Variants in ANO10 observed in about 807,000 individuals in gnomAD.
ANO10 encodes the protein anoctamin 10.
ANO10 carries 77 observed loss-of-function variants against 74.7 expected under a neutral mutation model. The ratio of observed to expected loss-of-function variants is 1.03; its 90% confidence interval spans 0.86 to 1.25. The LOEUF (loss-of-function observed/expected upper bound fraction) is 1.25, where lower values mean the gene tolerates loss of function less well. Ranked by LOEUF, ANO10 falls within the 50% of genes most tolerant of loss-of-function variation. The pLI, the probability that ANO10 is intolerant of heterozygous loss-of-function variation, is 0.00. For synonymous variants in ANO10, 279 were observed against 284.9 expected, an observed-to-expected ratio of 0.98 and a Z score of 0.21; for missense variants, 721 against 778.1, an observed-to-expected ratio of 0.93 and a Z score of 0.87.
chr3:43,635,908 C>T (rs1355915667), intron 1 of ANO10, among the ~76,000 whole-genome samples: 2 of 152,130 alleles, frequency 1.3e-5, no homozygotes, highest in African/African-American at 4.8e-5. Flanking sequence ...GCGTAGCCAC[C>T]ATGCCCGGCC....
At chr3:43,682,216 A>T (rs1299247907) in intron 1 of ANO10, among the ~76,000 whole-genome samples, 1 of 152,236 alleles carries the variant, frequency 6.6e-6, no homozygotes, top group Non-Finnish European at 1.5e-5. Flanking sequence ...GAGAAGAATC[A>T]AATAGATGCC....
intron 11 of ANO10, among the ~76,000 whole-genome samples, chr3:43,502,169 A>C (rs1253972877): frequency 6.6e-6 from 1 of 152,224 alleles, no homozygotes; most frequent in African/African-American, 2.4e-5. Flanking sequence ...GTATATATCT[A>C]AAAGAACTGA....
chr3:43,503,910 A>G (rs12497714), intron 11 of ANO10, among the ~76,000 whole-genome samples: 149,400 of 152,182 alleles, frequency 0.98, 73,402 homozygotes, highest in East Asian at 1. Context: ...GCAAATCTGA[A>G]TAAGGCTGCC....
intron 12 of ANO10, among the ~76,000 whole-genome samples, chr3:43,393,064 TGA>T (rs1270157621): frequency 2.0e-5 from 3 of 152,232 alleles, no homozygotes; most frequent in African/African-American, 4.8e-5. Context: ...GTGCTCTCCC[TGA>T]GAGAGACCAT....
chr3:43,372,720 T>C (rs1286872260), intron 12 of ANO10: 3 of 819,648 alleles, frequency 3.7e-6, no homozygotes, highest in Non-Finnish European at 3.9e-6. Flanking sequence ...TTAAATGTTC[T>C]ATCCTACCTG....
chr3:43,379,675 T>G (rs1343675783), intron 12 of ANO10, among the ~76,000 whole-genome samples: 1 of 152,128 alleles, frequency 6.6e-6, no homozygotes. Flanking sequence ...GGAGGGAGAC[T>G]GGCCTTTTGG....
chr3:43,616,190 T>C (rs2083095153), intron 1 of ANO10, among the ~76,000 whole-genome samples: 2 of 152,228 alleles, frequency 1.3e-5, no homozygotes, highest in Non-Finnish European at 2.9e-5. Flanking sequence ...GATAGACTCT[T>C]TAAGAGGGGA....
chr3:43,563,690 G>A (rs1450819944), intron 8 of ANO10, among the ~76,000 whole-genome samples: 2 of 152,276 alleles, frequency 1.3e-5, no homozygotes, highest in African/African-American at 2.4e-5. Context: ...CTGAAATTCT[G>A]TCAATTGCAG....
Position 43,539,511 on chromosome 3 carries a change from G to C in ANO10, c.1797+10209C>G, listed in dbSNP as rs146546372. On this transcript the variant is annotated intron_variant, in intron 11 of 12. Transcript: ENST00000292246. ...CAAGCAGGTCCCAGAGGAGGGTGAC[G>C]CACCTAGCAGGTCTGTTGTTGAGAG... 1.1e-4 allele frequency among the ~76,000 whole-genome samples: 16 copies of C among 152,254 alleles called. No individual in the cohort carries two copies. In the East Asian group the frequency reaches 2.9e-3, roughly 28 times the overall value.
intron 1 of ANO10, among the ~76,000 whole-genome samples, chr3:43,686,804 A>G (rs61373768): frequency 0.11 from 16,200 of 152,198 alleles, 1,228 homozygotes; most frequent in South Asian, 0.23. Flanking sequence ...GAATGTTCTA[A>G]CAGACAGGGT....
intron 1 of ANO10, among the ~76,000 whole-genome samples, chr3:43,685,371 T>A (rs2084261848): frequency 6.6e-6 from 1 of 152,260 alleles, no homozygotes; most frequent in African/African-American, 2.4e-5. Flanking sequence ...TTAGTATATA[T>A]ACATCTACCT....
At chr3:43,616,365 T>A (rs2083106112) in intron 1 of ANO10, among the ~76,000 whole-genome samples, 1 of 152,208 alleles carries the variant, frequency 6.6e-6, no homozygotes, top group Non-Finnish European at 1.5e-5. Flanking sequence ...CTTTTGTTTT[T>A]TTCTTTTTGT....
At chr3:43,490,228 T>C (rs568286928) in intron 11 of ANO10, among the ~76,000 whole-genome samples, 6 of 152,316 alleles carry the variant, frequency 3.9e-5, no homozygotes, top group African/African-American at 1.2e-4. Context: ...TTCCTTCCCC[T>C]TCTCAGATCT....
chr3:43,444,950 C>T (rs1306179934), intron 11 of ANO10, among the ~76,000 whole-genome samples: 3 of 151,814 alleles, frequency 2.0e-5, no homozygotes, highest in Non-Finnish European at 2.9e-5. Context: ...GGTGAAACCC[C>T]GTCTCTACTA....
intron 11 of ANO10, among the ~76,000 whole-genome samples, chr3:43,540,207 T>C (rs560344508): frequency 1.9e-4 from 29 of 152,368 alleles, no homozygotes; most frequent in Non-Finnish European, 3.7e-4. Flanking sequence ...CATTTTGTTT[T>C]AGCAAACATT....
chr3:43,624,006 T>C (rs977139722), upstream of ANO10, among the ~76,000 whole-genome samples: 1 of 152,226 alleles, frequency 6.6e-6, no homozygotes, highest in Non-Finnish European at 1.5e-5. Flanking sequence ...TATATTTATG[T>C]GGCTGGAGGA....
chr3:43,458,261 C>T (rs1308286742), intron 11 of ANO10, among the ~76,000 whole-genome samples: 1 of 152,094 alleles, frequency 6.6e-6, no homozygotes, highest in Non-Finnish European at 1.5e-5. Flanking sequence ...GACCACTGTG[C>T]AATAAGATCC....
At chr3:43,448,578 T>C (rs964251904) in intron 11 of ANO10, among the ~76,000 whole-genome samples, 2 of 152,200 alleles carry the variant, frequency 1.3e-5, no homozygotes, top group Non-Finnish European at 2.9e-5. Context: ...TACAACATAA[T>C]TTTATCCAAT....
At chr3:43,667,744 T>C (rs1177513318) in intron 1 of ANO10, among the ~76,000 whole-genome samples, 2 of 152,208 alleles carry the variant, frequency 1.3e-5, no homozygotes, top group Non-Finnish European at 2.9e-5. Context: ...CCTCCAGCTC[T>C]ATCCAAGTTG....
Sources: allele counts gnomAD v4.1 joint callset (sites outside exome capture counted in the v4.1 genomes callset), GRCh38; gene constraint gnomAD v4.1.1; transcripts MANE v1.5; gene names NCBI Gene and HGNC (gene_info 2026-07-23, HGNC 2026-07-21).